Variants in FRMD6 observed in about 807,000 individuals in gnomAD.
FRMD6 encodes the protein FERM domain-containing protein 6.
A neutral mutation model predicts 73.2 loss-of-function variants in FRMD6; 37 were observed. That is an observed-to-expected ratio of 0.51 (90% CI 0.39 to 0.66). The LOEUF (loss-of-function observed/expected upper bound fraction) is 0.66, where lower values mean the gene tolerates loss of function less well. Ranked by LOEUF, FRMD6 falls within the 30% of genes least tolerant of loss-of-function variation. FRMD6 has a pLI of 0.00. For missense variants in FRMD6, 714 were observed against 780.5 expected, an observed-to-expected ratio of 0.91 and a Z score of 1.02; for synonymous variants, 273 against 282.2, an observed-to-expected ratio of 0.97 and a Z score of 0.33.
intron 1 of FRMD6, among the ~76,000 whole-genome samples, chr14:51,570,105 G>A (rs1289953350): frequency 6.6e-6 from 1 of 152,226 alleles, no homozygotes; most frequent in East Asian, 1.9e-4. Context: ...GTGAGCCACT[G>A]CGCCCGGCCC....
upstream of FRMD6, among the ~76,000 whole-genome samples, chr14:51,485,319 T>G (rs1019293692): frequency 2.6e-5 from 4 of 152,226 alleles, no homozygotes; most frequent in African/African-American, 9.6e-5. Context: ...CTTCTCTTCT[T>G]AGAAGAAAAC....
chr14:51,579,419 C>T (rs1215785458), intron 2 of FRMD6: 1 of 152,182 alleles, frequency 6.6e-6, no homozygotes, highest in Admixed American at 6.5e-5. Flanking sequence ...CTGAAAGCAA[C>T]AAATTTTCTC....
Position 51,725,879 on chromosome 14 carries a change from G to A in FRMD6, c.1584+9G>A. ...CTGATTCTCTTCCACAGGTATTAAA[G>A]GAATTGAAAAATATCAGTTAGGAAA... On this transcript the variant is annotated intron_variant, in intron 13 of 13. Transcript: ENST00000344768. 6.3e-7 allele frequency: 1 copy of A among 1,597,212 alleles called. No individual in the cohort carries two copies. Among genetic ancestry groups the A allele is most frequent in the Non-Finnish European group, 8.6e-7 (1 of 1,166,496 alleles).
intron 1 of FRMD6, among the ~76,000 whole-genome samples, chr14:51,557,781 G>A (rs1372646778): frequency 6.6e-6 from 1 of 152,084 alleles, no homozygotes; most frequent in East Asian, 1.9e-4. Context: ...ACAAAGAAGG[G>A]AACAACAGAC....
the FRMD6 span, among the ~76,000 whole-genome samples, chr14:51,456,524 T>C: frequency 6.6e-6 from 1 of 152,230 alleles, no homozygotes. Context: ...GGTGTATATA[T>C]GCCACATTTT....
chr14:51,491,560 C>T (rs1329996362), intron 1 of FRMD6: 2 of 152,208 alleles, frequency 1.3e-5, no homozygotes, highest in African/African-American at 2.4e-5. Context: ...CTTTATATAC[C>T]TGATCTAATT....
chr14:51,691,235 A>T (rs574851090), intron 2 of FRMD6, among the ~76,000 whole-genome samples: 2 of 152,308 alleles, frequency 1.3e-5, no homozygotes, highest in South Asian at 4.1e-4. Context: ...GTACGAATAC[A>T]CCCAATCTAT....
the FRMD6 span, among the ~76,000 whole-genome samples, chr14:51,446,170 A>T: frequency 7.9e-5 from 12 of 152,180 alleles, no homozygotes; most frequent in African/African-American, 2.9e-4. Context: ...CAGTTTTCTT[A>T]AGAAGTTTAC....
Position 51,536,018 on chromosome 14 carries a change from C to A in FRMD6, c.-209-34330C>A, listed in dbSNP as rs1262904668. On this transcript the variant is annotated intron_variant, in intron 1 of 14. Transcript: ENST00000356218. ...TGTTTATTCTCCTATGGTAAAATGTCTATGCAAATCCTTGCCCATATATAT... is the reference window on the plus strand; with the variant it reads ...TGTTTATTCTCCTATGGTAAAATGTATATGCAAATCCTTGCCCATATATAT... 4.0e-5 allele frequency among the ~76,000 whole-genome samples: 6 copies of A among 148,762 alleles called. No individual in the cohort carries two copies. In the Admixed American group the frequency reaches 4.0e-4, roughly 10 times the overall value.
the FRMD6 span, among the ~76,000 whole-genome samples, chr14:51,472,690 C>T: frequency 6.6e-6 from 1 of 152,188 alleles, no homozygotes; most frequent in African/African-American, 2.4e-5. Flanking sequence ...GAATCTTAGC[C>T]TCAGCTCACC....
chr14:51,678,668 G>C (rs1894566105), intron 1 of FRMD6, among the ~76,000 whole-genome samples: 1 of 152,100 alleles, frequency 6.6e-6, no homozygotes, highest in South Asian at 2.1e-4. Flanking sequence ...CTGGGCATTA[G>C]TGACATAAGG....
chr14:51,497,397 T>G (rs946990523), intron 1 of FRMD6, among the ~76,000 whole-genome samples: 4 of 152,178 alleles, frequency 2.6e-5, no homozygotes, highest in African/African-American at 9.7e-5. Flanking sequence ...TTTAAAAACT[T>G]TATCGGTTTT....
At chr14:51,697,307 T>TACAC (rs1896012031) in intron 2 of FRMD6, among the ~76,000 whole-genome samples, 1 of 152,122 alleles carries the variant, frequency 6.6e-6, no homozygotes, top group Non-Finnish European at 1.5e-5. Flanking sequence ...ATGTGGCACA[T>TACAC]ACACACAGTG....
intron 1 of FRMD6, among the ~76,000 whole-genome samples, chr14:51,523,395 C>G (rs1885053432): frequency 6.6e-6 from 1 of 152,098 alleles, no homozygotes; most frequent in Non-Finnish European, 1.5e-5. Context: ...TGAGCCTTCC[C>G]CTTAGCCTCT....
rs1296657127 is a variant in FRMD6, at chr14:51,554,132, C to A, written c.-209-16216C>A. Among the ~76,000 whole-genome samples, 4 of 151,984 alleles carry A rather than the reference C, an allele frequency of 2.6e-5. No individual in the cohort carries two copies. In the East Asian group the frequency reaches 7.7e-4, roughly 29 times the overall value. Reference sequence around the variant, plus strand: ...AAACTTACAATGATGAGACTATATTCAAAGGAACACAGGAGCCAACTGAAA... The same window carrying A: ...AAACTTACAATGATGAGACTATATTAAAAGGAACACAGGAGCCAACTGAAA... On this transcript the variant is annotated intron_variant, in intron 1 of 14. Coordinates refer to the FRMD6 transcript ENST00000356218.
chr14:51,417,788 C>T, the FRMD6 span, among the ~76,000 whole-genome samples: 1 of 152,196 alleles, frequency 6.6e-6, no homozygotes, highest in Non-Finnish European at 1.5e-5. Flanking sequence ...TCAGGTAAAC[C>T]AATCAAACCT....
intron 2 of FRMD6, among the ~76,000 whole-genome samples, chr14:51,583,497 T>A (rs1888849571): frequency 6.6e-6 from 1 of 152,186 alleles, no homozygotes; most frequent in African/African-American, 2.4e-5. Context: ...TAATAATAGA[T>A]GATATTTACA....
intron 2 of FRMD6, among the ~76,000 whole-genome samples, chr14:51,630,287 G>C (rs1891285417): frequency 6.6e-6 from 1 of 151,974 alleles, no homozygotes; most frequent in Admixed American, 6.6e-5. Flanking sequence ...TAATCCCTGA[G>C]ATAGTTCTAT....
chr14:51,727,460 G>A (rs960203445), intron 13 of FRMD6, among the ~76,000 whole-genome samples: 4 of 152,184 alleles, frequency 2.6e-5, no homozygotes, highest in African/African-American at 9.7e-5. Flanking sequence ...GATAGTGCCT[G>A]CTTCCTAGGA....
Sources: allele counts gnomAD v4.1 joint callset (sites outside exome capture counted in the v4.1 genomes callset), GRCh38; gene constraint gnomAD v4.1.1; transcripts MANE v1.5; gene names NCBI Gene and HGNC (gene_info 2026-07-23, HGNC 2026-07-21).